Variants in TTYH3 observed in about 807,000 individuals in gnomAD.
The protein encoded by TTYH3 is protein tweety homolog 3.
TTYH3 carries 23 observed loss-of-function variants against 68.2 expected under a neutral mutation model. The ratio of observed to expected loss-of-function variants is 0.34; its 90% CI spans 0.24 to 0.48. The LOEUF (loss-of-function observed/expected upper bound fraction) is 0.48. Among genes scored for constraint, TTYH3 ranks in the 20% least tolerant of loss-of-function variants. The probability of loss-of-function intolerance (pLI) is 0.99; values close to 1 mark genes in which losing one functional copy is unlikely to be tolerated. For synonymous variants in TTYH3, 360 were observed against 332.8 expected (o/e 1.08, Z -0.89); for missense variants, 768 against 727.7 (o/e 1.06, Z -0.64).
chr7:2,653,034 T>A, intron 9 of TTYH3, 24 bp downstream of exon 9: 1 of 1,549,488 alleles, frequency 6.5e-7, no homozygotes, highest in Non-Finnish European at 8.8e-7. Context: ...GGGTAGGCAC[T>A]GGGGCAGGCA....
At chr7:2,660,563 C>G in intron 13 of TTYH3, 1 of 983,500 alleles carries the variant, frequency 1.0e-6, no homozygotes, top group Non-Finnish European at 1.2e-6. Context: ...CAGTCCCGCC[C>G]CGTCCCGCCC....
chr7:2,652,601 C>T (rs1402872516), intron 8 of TTYH3, among the ~76,000 whole-genome samples: 1 of 152,192 alleles, frequency 6.6e-6, no homozygotes, highest in Non-Finnish European at 1.5e-5. Context: ...TCGGCCGCAC[C>T]AGCTGGTCAA....
intron 11 of TTYH3, 36 bp from the exon 12 acceptor site, chr7:2,658,249 TG>T (rs1216043153): frequency 6.7e-7 from 1 of 1,491,778 alleles, no homozygotes; most frequent in Non-Finnish European, 9.0e-7. Context: ...TCCTTCCTGC[TG>T]GGGCCTGAGC....
chr7:2,640,323 G>A (rs957886344), intron 1 of TTYH3, among the ~76,000 whole-genome samples: 13 of 152,234 alleles, frequency 8.5e-5, no homozygotes, highest in Admixed American at 3.3e-4. Flanking sequence ...ACAGAGCGGC[G>A]TGTGGGTCCG....
At chr7:2,639,109 A>G (rs1785760202) in intron 1 of TTYH3, among the ~76,000 whole-genome samples, 1 of 152,122 alleles carries the variant, frequency 6.6e-6, no homozygotes, top group Non-Finnish European at 1.5e-5. Flanking sequence ...AGACACCCCC[A>G]AACCTTGTTG....
At position 2,661,979 on chromosome 7, in the gene TTYH3, G is replaced by A. The variant is rs1786510989; in HGVS notation, c.*240G>A. On this transcript the variant is annotated 3_prime_UTR_variant, in exon 14 of 14. Coordinates refer to ENST00000258796, the MANE Select transcript of TTYH3 (RefSeq NM_025250.3). ...AACGCTGCTGCCAGCCGATGCCCCA[G>A]CCCTGCACGCCACCCACTATCCCGG... is the stretch of plus-strand genomic sequence containing the variant. The A allele has an allele frequency of 1.7e-6, 1 of 599,162 alleles. No homozygotes were observed. Among genetic ancestry groups the A allele is most frequent in the South Asian group, 2.0e-5 (1 of 50,760 alleles). The allele number at this position is 599,162 out of a possible 1,614,324, so 37.1% of individuals were successfully genotyped here. A position where few individuals can be genotyped will look rare whatever the true frequency, so the allele number is the denominator to read the frequency against.
At chr7:2,660,035 C>T (rs540893563) in intron 13 of TTYH3, 8 of 1,268,352 alleles carry the variant, frequency 6.3e-6, no homozygotes, top group South Asian at 3.8e-5. Context: ...TCCCTCAGAG[C>T]GACAGGTACT....
intron 9 of TTYH3, among the ~76,000 whole-genome samples, chr7:2,654,554 G>A (rs1323576394): frequency 4.6e-5 from 7 of 152,112 alleles, no homozygotes; most frequent in East Asian, 3.8e-4. Flanking sequence ...CCCTCTTGGC[G>A]TTTTTGCACT....
Position 2,661,648 on chromosome 7 carries a change from T to C in TTYH3, c.1501-20T>C. On this transcript the variant is annotated intron_variant, in intron 13 of 13. Coordinates refer to ENST00000258796, the MANE Select transcript of TTYH3 (RefSeq NM_025250.3). ...GCCATGCAGGGGCCCTGCTGATGCCTCCCCCTTGTCTCCCTCCAGTACACC... is the reference window on the plus strand; with the variant it reads ...GCCATGCAGGGGCCCTGCTGATGCCCCCCCCTTGTCTCCCTCCAGTACACC... The C allele has an allele frequency of 6.2e-7, 1 of 1,609,550 alleles. No homozygotes were observed.
At chr7:2,657,386 ATGG>A (rs1268288200) in intron 11 of TTYH3, among the ~76,000 whole-genome samples, 1 of 144,612 alleles carries the variant, frequency 6.9e-6, no homozygotes, top group African/African-American at 2.7e-5. Context: ...GATGGTGATG[ATGG>A]TGATGATGGT....
rs776916696 is a variant in TTYH3 at position 2,649,898 on chromosome 7, C to T, written c.796-15C>T. On this transcript the variant is annotated splice_polypyrimidine_tract_variant and intron_variant, in intron 6 of 13. Transcript: ENST00000258796. ...AGCTTGGTCAACCCCTCTTGCTTGC[C>T]CACGCCCACCTCAGGGCTCCAGCGA... The T allele has an allele frequency of 6.2e-7, 1 of 1,613,718 alleles. No individual in the cohort carries two copies. Among genetic ancestry groups the T allele is most frequent in the Non-Finnish European group, 8.5e-7 (1 of 1,179,866 alleles).
At chr7:2,642,383 A>G (rs1280245373) in intron 1 of TTYH3, among the ~76,000 whole-genome samples, 1 of 151,988 alleles carries the variant, frequency 6.6e-6, no homozygotes, top group Non-Finnish European at 1.5e-5. Flanking sequence ...CTCTACTAAA[A>G]ATACAAAAAT....
chr7:2,646,916 T>C lies in TTYH3; in HGVS notation c.187T>C (p.Phe63Leu), dbSNP rs760418856. 6.2e-7 allele frequency: 1 copy of C among 1,600,438 alleles called. No individual in the cohort carries two copies. The highest frequency in any genetic ancestry group is 1.1e-5 in the South Asian group (1 of 90,770). The stretch of plus-strand genomic sequence containing the variant: ...CGCCCTGGACCTCCTCTTCCTGCTC[T>C]TCTACTCCTTCTGGCTGTGCTGCCG... ...CLALDLLFLL[F>L]YSFWLCCRRR... Residue 63 changes from phenylalanine to leucine, a missense_variant, in exon 2 of 14, where the codon TTC becomes CTC. By Grantham distance (22) the Phe-to-Leu change is conservative (BLOSUM62 0). Coordinates refer to ENST00000258796, the MANE Select transcript of TTYH3 (RefSeq NM_025250.3).
At chr7:2,641,235 C>T (rs1022924578) in intron 1 of TTYH3, among the ~76,000 whole-genome samples, 8 of 152,190 alleles carry the variant, frequency 5.3e-5, no homozygotes, top group Non-Finnish European at 1.0e-4. Context: ...AGTAAGGCTT[C>T]AGGCCCCGGC....
chr7:2,635,475 C>T (rs966139608), intron 1 of TTYH3, among the ~76,000 whole-genome samples: 1 of 152,218 alleles, frequency 6.6e-6, no homozygotes, highest in African/African-American at 2.4e-5. Flanking sequence ...ACCTCAGCCT[C>T]TCTCTCGGGC....
intron 1 of TTYH3, among the ~76,000 whole-genome samples, chr7:2,638,456 G>A (rs943932741): frequency 6.6e-6 from 1 of 152,120 alleles, no homozygotes; most frequent in Non-Finnish European, 1.5e-5. Flanking sequence ...GCGGCTCTGA[G>A]CCTCAGCCCC....
rs1329637783 is a variant in TTYH3, at chr7:2,659,139, G to A, written c.1500+124G>A. On this transcript the variant is annotated intron_variant, in intron 13 of 13. Transcript: ENST00000258796. ...TGAGCTCTGGGGGCAGCTGTGAGCT[G>A]CCACCACCGGGGTCCCAGGTGACCC... The A allele has an allele frequency of 4.5e-6, 4 of 882,166 alleles. No individual in the cohort carries two copies. In the Admixed American group the frequency reaches 7.0e-5, roughly 15 times the overall value. 54.6% of individuals were successfully genotyped at this position (882,166 alleles called of 1,614,324 possible).
Position 2,649,794 on chromosome 7 carries a change from A to G in TTYH3, c.796-119A>G, listed in dbSNP as rs544335919. The G allele has an allele frequency of 9.8e-6, 14 of 1,425,930 alleles. No individual in the cohort carries two copies. In the South Asian group the frequency reaches 1.2e-4, roughly 12 times the overall value. 88.3% of individuals were successfully genotyped at this position (1,425,930 alleles called of 1,614,324 possible). On this transcript the variant is annotated intron_variant, in intron 6 of 13. Coordinates refer to ENST00000258796, the MANE Select transcript of TTYH3 (RefSeq NM_025250.3). ...ATGGGCACAGTCCACCTGTAACCCC[A>G]GATTCACAGTCCACCCTCCTGAGTT... is the stretch of plus-strand genomic sequence containing the variant.
At chr7:2,647,838 C>G in intron 4 of TTYH3, 121 bp from the exon 5 acceptor site, 1 of 1,211,724 alleles carries the variant, frequency 8.3e-7, no homozygotes, top group South Asian at 1.3e-5. Flanking sequence ...ATGACCCAGA[C>G]GCTCTGAATG....
Sources: allele counts gnomAD v4.1 joint callset (sites outside exome capture counted in the v4.1 genomes callset), GRCh38; gene constraint gnomAD v4.1.1; transcripts MANE v1.5; gene names NCBI Gene and HGNC (gene_info 2026-07-23, HGNC 2026-07-21).